The following BCL2L13 variants were observed in gnomAD, a reference collection of about 807,000 sequenced individuals.
BCL2L13 encodes the protein bcl-2-like protein 13.
In BCL2L13, 13 loss-of-function variants were observed where a neutral mutation model predicts 25.8. That is an observed-to-expected ratio of 0.50 (90% CI 0.33 to 0.80). The LOEUF (loss-of-function observed/expected upper bound fraction) is 0.80. Ranked by LOEUF, BCL2L13 falls within the 30% of genes least tolerant of loss-of-function variation. The pLI, the probability that BCL2L13 is intolerant of heterozygous loss-of-function variation, is 0.02. For missense variants in BCL2L13, 504 were observed against 574.9 expected (o/e 0.88, Z 1.26); for synonymous variants, 244 against 230.3 (o/e 1.06, Z -0.54).
At chr22:17,655,891 A>G (rs1056129230) in intron 2 of BCL2L13, 59 bp downstream of exon 2, 2 of 1,448,586 alleles carry the variant, frequency 1.4e-6, no homozygotes, top group Non-Finnish European at 1.9e-6. Context: ...TATATATAAA[A>G]GTATATGTAT....
At chr22:17,704,855 A>G (rs1380509587) in intron 6 of BCL2L13, among the ~76,000 whole-genome samples, 5 of 152,090 alleles carry the variant, frequency 3.3e-5, no homozygotes, top group Non-Finnish European at 5.9e-5. Context: ...TTGATAGAGA[A>G]CTTTTCATTC....
At chr22:17,717,783 T>G (rs2060989612) in intron 6 of BCL2L13, among the ~76,000 whole-genome samples, 2 of 152,100 alleles carry the variant, frequency 1.3e-5, no homozygotes, top group African/African-American at 4.8e-5. Context: ...TTGCATTGCT[T>G]CTTATGAAAG....
chr22:17,721,225 C>T (rs1396833695), intron 6 of BCL2L13, among the ~76,000 whole-genome samples: 3 of 151,954 alleles, frequency 2.0e-5, no homozygotes, highest in African/African-American at 7.2e-5. Context: ...TTCAGATGTG[C>T]GAAATTCAGA....
intron 2 of BCL2L13, among the ~76,000 whole-genome samples, chr22:17,656,335 C>CTTTTTTTTTTTTTTTTTTTTTTGT (rs2058858190): frequency 1.7e-5 from 1 of 57,880 alleles, no homozygotes. Flanking sequence ...TCATTTTATT[C>CTTTTTTTTTTTTTTTTTTTTTTGT]TTTTTTTTTT....
intron 1 of BCL2L13, among the ~76,000 whole-genome samples, chr22:17,642,322 C>T (rs2058321546): frequency 6.6e-6 from 1 of 151,774 alleles, no homozygotes; most frequent in Non-Finnish European, 1.5e-5. Context: ...CCACACCCAG[C>T]TAATTTTTGT....
chr22:17,718,732 T>G (rs16981039), intron 6 of BCL2L13, among the ~76,000 whole-genome samples: 7,042 of 152,298 alleles, frequency 0.046, 210 homozygotes, highest in African/African-American at 0.074. Flanking sequence ...TTAATTAGCA[T>G]AGACTACTAG....
At chr22:17,678,524 A>G (rs906412500) in intron 2 of BCL2L13, among the ~76,000 whole-genome samples, 1 of 152,176 alleles carries the variant, frequency 6.6e-6, no homozygotes. Context: ...CAGAGTTCCA[A>G]TTATAACTTC....
intron 2 of BCL2L13, among the ~76,000 whole-genome samples, chr22:17,680,972 G>A (rs956097333): frequency 3.9e-5 from 6 of 151,980 alleles, no homozygotes; most frequent in Non-Finnish European, 7.4e-5. Flanking sequence ...CACTGAGAAC[G>A]TATGGAAAAA....
intron 6 of BCL2L13, chr22:17,703,542 G>A (rs755938810): frequency 8.5e-5 from 13 of 152,278 alleles, no homozygotes; most frequent in Non-Finnish European, 1.6e-4. Flanking sequence ...AACAGTCAGT[G>A]ATTCTGTAGA....
intron 2 of BCL2L13, among the ~76,000 whole-genome samples, chr22:17,666,235 C>T (rs1156392939): frequency 6.8e-6 from 1 of 146,966 alleles, no homozygotes; most frequent in Non-Finnish European, 1.5e-5. Context: ...TTTTTGAGTA[C>T]ATAGTAGGTG....
At chr22:17,681,945 A>C (rs923245268) in intron 2 of BCL2L13, among the ~76,000 whole-genome samples, 2 of 152,126 alleles carry the variant, frequency 1.3e-5, no homozygotes, top group Admixed American at 6.6e-5. Context: ...GCATTTTATG[A>C]GCATATGTGT....
intron 5 of BCL2L13, among the ~76,000 whole-genome samples, chr22:17,700,455 AAGAGGTAAT>A (rs1428037537): frequency 6.6e-6 from 1 of 152,228 alleles, no homozygotes; most frequent in Non-Finnish European, 1.5e-5. Context: ...TCATTTCCCC[AAGAGGTAAT>A]AGAGCTTAAA....
chr22:17,724,380 A>G (rs1569020036), intron 6 of BCL2L13, among the ~76,000 whole-genome samples: 1 of 152,244 alleles, frequency 6.6e-6, no homozygotes, highest in Non-Finnish European at 1.5e-5. Flanking sequence ...CACAGCTGGT[A>G]CACAGTTGGA....
intron 3 of BCL2L13, among the ~76,000 whole-genome samples, chr22:17,687,163 A>T (rs762588292): frequency 2.0e-5 from 3 of 152,186 alleles, no homozygotes; most frequent in Non-Finnish European, 2.9e-5. Flanking sequence ...ATGACGGCTA[A>T]ATCTTGGGAG....
chr22:17,669,261 T>C (rs1353325620), intron 2 of BCL2L13, among the ~76,000 whole-genome samples: 1 of 152,076 alleles, frequency 6.6e-6, no homozygotes, highest in Non-Finnish European at 1.5e-5. Context: ...CTCAATCTCC[T>C]GACCTCGTGA....
chr22:17,678,347 A>G (rs917705386), intron 2 of BCL2L13, among the ~76,000 whole-genome samples: 1 of 152,146 alleles, frequency 6.6e-6, no homozygotes, highest in African/African-American at 2.4e-5. Flanking sequence ...ATAAGGGGAC[A>G]TGAAAGTCCC....
chr22:17,662,314 T>TA (rs1885791391), intron 2 of BCL2L13, among the ~76,000 whole-genome samples: 1 of 151,818 alleles, frequency 6.6e-6, no homozygotes, highest in South Asian at 2.1e-4. Flanking sequence ...TCGTCTCTAC[T>TA]GAAAAAAACA....
intron 6 of BCL2L13, among the ~76,000 whole-genome samples, chr22:17,710,282 GCT>G (rs1318698462): frequency 6.6e-6 from 1 of 150,992 alleles, no homozygotes; most frequent in African/African-American, 2.4e-5. Flanking sequence ...AAGACATAAA[GCT>G]ATTTAATCTG....
At position 17,677,632 on chromosome 22, in the gene BCL2L13, G is replaced by A. The variant is rs774473721; in HGVS notation, c.122-5582G>A. On this transcript the variant is annotated intron_variant, in intron 2 of 6. Coordinates refer to ENST00000317582, the MANE Select transcript of BCL2L13 (RefSeq NM_015367.4). ...CTCACACCTGTAATCCCAGCACTTTGGGAGTCTGAGGCAGGTGGATCATGA... is the reference window on the plus strand; with the variant it reads ...CTCACACCTGTAATCCCAGCACTTTAGGAGTCTGAGGCAGGTGGATCATGA... Among the ~76,000 whole-genome samples, 7 of 152,152 alleles carry A rather than the reference G, an allele frequency of 4.6e-5. No homozygotes were observed. The South Asian group carries it at 8.3e-4, about 18-fold the overall frequency.
Sources: gnomAD v4.1 joint callset for allele counts (sites outside exome capture counted in the v4.1 genomes callset) on GRCh38, gnomAD v4.1.1 for gene constraint, MANE v1.5 for transcripts, NCBI Gene and HGNC (gene_info 2026-07-23, HGNC 2026-07-21) for gene names.